Variants in MEF2A observed in about 807,000 individuals in gnomAD.
MEF2A encodes the protein myocyte-specific enhancer factor 2A.
MEF2A carries 28 observed loss-of-function variants against 55.8 expected under a neutral mutation model. That is an observed-to-expected ratio of 0.50 (90% CI 0.37 to 0.69). MEF2A has a LOEUF of 0.69. MEF2A is among the 30% of genes least tolerant of loss of function. The probability of loss-of-function intolerance (pLI) is 0.00; values close to 1 mark genes in which losing one functional copy is unlikely to be tolerated. For synonymous variants in MEF2A, 239 were observed against 227.1 expected (o/e 1.05, Z -0.47); for missense variants, 528 against 626.2 (o/e 0.84, Z 1.67).
intron 1 of MEF2A, among the ~76,000 whole-genome samples, chr15:99,573,438 T>G (rs574565894): frequency 6.6e-6 from 1 of 152,212 alleles, no homozygotes; most frequent in Non-Finnish European, 1.5e-5. Context: ...CGGTCATTAT[T>G]CTAAGGGCAG....
intron 1 of MEF2A, among the ~76,000 whole-genome samples, chr15:99,576,278 A>G (rs1964234436): frequency 6.6e-6 from 1 of 152,206 alleles, no homozygotes; most frequent in Non-Finnish European, 1.5e-5. Context: ...GTTTTCTTTG[A>G]AAGTGTTAAC....
chr15:99,697,277 C>G (rs922272381), intron 8 of MEF2A, among the ~76,000 whole-genome samples: 1 of 151,342 alleles, frequency 6.6e-6, no homozygotes, highest in Admixed American at 6.6e-5. Context: ...GCATATATAT[C>G]GGGAAGAGAG....
intron 9 of MEF2A, chr15:99,706,501 G>T: frequency 2.1e-6 from 1 of 481,712 alleles, no homozygotes; most frequent in South Asian, 2.3e-5. Context: ...TTTTAACGTG[G>T]GGTGTCTGAC....
Position 99,712,437 on chromosome 15 carries a change from A to C in MEF2A, c.1184A>C (p.Asn395Thr). 1 of 1,550,016 alleles carries C rather than the reference A, an allele frequency of 6.5e-7. No individual in the cohort carries two copies. The highest frequency in any genetic ancestry group is 8.7e-7 in the Non-Finnish European group (1 of 1,145,504). The change falls in exon 12 of 12, where the codon AAC becomes ACC. Residue 395 changes from asparagine to threonine, a missense_variant. Around this residue, in one of 2 missense-constraint regions of MEF2A, gnomAD observed 450 missense variants for 475.3 expected, o/e 0.95. Transcript: ENST00000557942. This position sits in a 1 kb window ranked among gnomAD's most constrained non-coding sequence, Gnocchi z 4.1. ...GGTTCCAATTTATCCATTAATACCA[A>C]CCAAAACATCAGCATCAAGTCCGAA... ...SQGSNLSINT[N>T]QNISIKSEPI...
intron 8 of MEF2A, among the ~76,000 whole-genome samples, chr15:99,697,304 A>G (rs2056627393): frequency 2.0e-5 from 3 of 152,114 alleles, no homozygotes; most frequent in South Asian, 4.1e-4. Context: ...AACTTCCTCT[A>G]TTCATAGGAG....
intron 10 of MEF2A, among the ~76,000 whole-genome samples, chr15:99,707,176 G>A (rs1305108705): frequency 6.6e-6 from 1 of 152,146 alleles, no homozygotes; most frequent in Admixed American, 6.5e-5. Flanking sequence ...CTTGAGTATT[G>A]CTGATGTAGT....
chr15:99,640,875 G>C (rs1407216987), intron 3 of MEF2A, among the ~76,000 whole-genome samples: 1 of 151,936 alleles, frequency 6.6e-6, no homozygotes, highest in African/African-American at 2.4e-5. Flanking sequence ...CTGAAACTCT[G>C]TGTTATCTTT....
chr15:99,694,525 GCATTTCA>G (rs1378319304), intron 8 of MEF2A, among the ~76,000 whole-genome samples: 5 of 152,220 alleles, frequency 3.3e-5, no homozygotes, highest in Non-Finnish European at 5.9e-5. Context: ...AGATCTTGGA[GCATTTCA>G]GATTTCAGAT....
chr15:99,714,545 TCTA>T lies in MEF2A; in HGVS notation c.*1775_*1777del, dbSNP rs1162208569. 2.0e-5 allele frequency: 3 copies of T among 152,172 alleles called. No homozygotes were observed. The highest frequency in any genetic ancestry group is 4.4e-5 in the Non-Finnish European group (3 of 68,034). 9.4% of individuals were successfully genotyped at this position (152,172 alleles called of 1,614,324 possible). On this transcript the variant is annotated 3_prime_UTR_variant, in exon 12 of 12. Coordinates refer to ENST00000557942, the MANE Select transcript of MEF2A (RefSeq NM_001319206.4). ...TGGTCCTTGGCATGACTCTTGCCAT[TCTA>T]ATTGGAATTAGTGCCACCCTCAGCT... is the stretch of plus-strand genomic sequence containing the variant.
intron 2 of MEF2A, among the ~76,000 whole-genome samples, chr15:99,607,232 A>C (rs1247963402): frequency 6.6e-5 from 10 of 152,206 alleles, no homozygotes; most frequent in Non-Finnish European, 4.4e-5. Flanking sequence ...GTTGACTTCT[A>C]GGTGTGGTGG....
At chr15:99,589,868 T>G (rs1276339277) in intron 1 of MEF2A, among the ~76,000 whole-genome samples, 1 of 152,150 alleles carries the variant, frequency 6.6e-6, no homozygotes, top group Non-Finnish European at 1.5e-5. Context: ...ACAGTTTCTA[T>G]GTCATTTCAG....
intron 3 of MEF2A, among the ~76,000 whole-genome samples, chr15:99,645,123 A>T (rs2045740090): frequency 2.0e-5 from 3 of 152,176 alleles, no homozygotes; most frequent in African/African-American, 7.2e-5. Flanking sequence ...CAGTGGGTAC[A>T]ATAGAGAAGG....
chr15:99,680,461 C>T (rs1286344491), intron 7 of MEF2A, among the ~76,000 whole-genome samples: 2 of 152,244 alleles, frequency 1.3e-5, no homozygotes, highest in African/African-American at 4.8e-5. Context: ...GCTTTTGTGG[C>T]ATTGTAAATT....
chr15:99,576,204 T>C (rs1964211746), intron 1 of MEF2A, among the ~76,000 whole-genome samples: 1 of 152,234 alleles, frequency 6.6e-6, no homozygotes, highest in Non-Finnish European at 1.5e-5. Context: ...TTTGAATTTA[T>C]GCTGATTCCT....
chr15:99,651,511 T>G (rs1459014663), intron 4 of MEF2A, among the ~76,000 whole-genome samples: 2 of 152,150 alleles, frequency 1.3e-5, no homozygotes. Flanking sequence ...ATGAGACATC[T>G]GAAGACAAGA....
intron 11 of MEF2A, among the ~76,000 whole-genome samples, chr15:99,711,201 G>A (rs1046555864): frequency 2.6e-5 from 4 of 152,220 alleles, no homozygotes; most frequent in African/African-American, 9.6e-5. Context: ...GCCATTGACT[G>A]CTTTGGTGAG....
chr15:99,577,304 CTA>C (rs1182359357), intron 1 of MEF2A, among the ~76,000 whole-genome samples: 1 of 152,114 alleles, frequency 6.6e-6, no homozygotes, highest in African/African-American at 2.4e-5. Context: ...TTTTTAATAA[CTA>C]TTATTCTAGA....
chr15:99,700,540 T>TAC (rs767553614), intron 8 of MEF2A, among the ~76,000 whole-genome samples: 8 of 152,098 alleles, frequency 5.3e-5, no homozygotes, highest in Non-Finnish European at 1.2e-4. Context: ...CAGTTGTGTG[T>TAC]ACATATGAAT....
At chr15:99,636,758 A>G (rs960436873) in intron 3 of MEF2A, among the ~76,000 whole-genome samples, 2 of 152,062 alleles carry the variant, frequency 1.3e-5, no homozygotes, top group African/African-American at 4.8e-5. Context: ...TTTACTTACC[A>G]TAAGGCCATA....
Sources: gnomAD v4.1 joint callset for allele counts (sites outside exome capture counted in the v4.1 genomes callset) on GRCh38, gnomAD v4.1.1 for gene constraint, gnomAD v4.1.1 regional missense constraint, Gnocchi (gnomAD v3.1) non-coding constraint, MANE v1.5 for transcripts, NCBI Gene and HGNC (gene_info 2026-07-23, HGNC 2026-07-21) for gene names.